Variants in AUTS2 observed in about 807,000 individuals in gnomAD.
AUTS2 encodes activator of transcription and developmental regulator AUTS2, also known as autism susceptibility gene 2 protein.
AUTS2 carries 17 observed loss-of-function variants against 112.4 expected under a neutral mutation model. That is an observed-to-expected ratio of 0.15 (90% CI 0.10 to 0.23). The LOEUF is 0.23. Ranked by LOEUF, AUTS2 falls within the 10% of genes least tolerant of loss-of-function variation. The pLI, the probability that AUTS2 is intolerant of heterozygous loss-of-function variation, is 1.00. For missense variants in AUTS2, 1,510 were observed against 1,701.6 expected (o/e 0.89, Z 1.98); for synonymous variants, 751 against 702.7 (o/e 1.07, Z -1.09).
chr7:70,738,008 G>A (rs566263736), intron 6 of AUTS2, among the ~76,000 whole-genome samples: 1 of 152,098 alleles, frequency 6.6e-6, no homozygotes, highest in South Asian at 2.1e-4. Context: ...TTGTACGGAA[G>A]ACATTCTGAA....
chr7:70,746,128 G>A (rs55888671), intron 6 of AUTS2, among the ~76,000 whole-genome samples: 1 of 151,768 alleles, frequency 6.6e-6, no homozygotes, highest in Admixed American at 6.6e-5. Context: ...AAAATATGAA[G>A]AGCAGTAAGG....
rs1790821792 is a variant in AUTS2 at position 69,817,675 on chromosome 7, G to A, written c.310-81611G>A. The stretch of plus-strand genomic sequence containing the variant: ...GAAATGAGGATTTGGATTATGAGTA[G>A]CAGAAGCGTGGAGAGCTGGGCAGAG... On this transcript the variant is annotated intron_variant, in intron 1 of 18. Transcript: ENST00000342771. 2.0e-5 allele frequency among the ~76,000 whole-genome samples: 3 copies of A among 152,140 alleles called. No individual in the cohort carries two copies. The South Asian group carries it at 6.2e-4, about 32-fold the overall frequency.
At chr7:70,636,983 G>A (rs138143176) in intron 5 of AUTS2, among the ~76,000 whole-genome samples, 72 of 152,256 alleles carry the variant, frequency 4.7e-4, no homozygotes, top group African/African-American at 1.7e-3. Flanking sequence ...CATGTAAGAT[G>A]GCATTGTTAT....
intron 2 of AUTS2, among the ~76,000 whole-genome samples, chr7:70,087,020 G>A (rs1803643786): frequency 6.6e-6 from 1 of 151,632 alleles, no homozygotes; most frequent in South Asian, 2.1e-4. Context: ...TGGAAGTGGT[G>A]AGAGTGTACA....
intron 5 of AUTS2, among the ~76,000 whole-genome samples, chr7:70,480,721 T>C (rs933652771): frequency 2.0e-5 from 3 of 152,154 alleles, no homozygotes; most frequent in African/African-American, 7.2e-5. Context: ...TGGTGGAAAC[T>C]CCAGGAACTT....
At chr7:69,842,300 T>G (rs1727238624) in intron 1 of AUTS2, among the ~76,000 whole-genome samples, 1 of 152,170 alleles carries the variant, frequency 6.6e-6, no homozygotes, top group South Asian at 2.1e-4. Flanking sequence ...ATAAGAAAAT[T>G]AGATTTTATA....
At chr7:70,147,305 G>A (rs1807180509) in intron 4 of AUTS2, among the ~76,000 whole-genome samples, 1 of 151,826 alleles carries the variant, frequency 6.6e-6, no homozygotes, top group Non-Finnish European at 1.5e-5. Flanking sequence ...GACGGAAGTA[G>A]GCAGATGTTA....
At chr7:70,543,735 T>G (rs191123411) in intron 5 of AUTS2, among the ~76,000 whole-genome samples, 3 of 152,274 alleles carry the variant, frequency 2.0e-5, no homozygotes, top group Admixed American at 2.0e-4. Flanking sequence ...GAGGGGTGTT[T>G]ATTGTCTAAA....
chr7:70,136,469 A>G (rs1806568547), intron 4 of AUTS2, among the ~76,000 whole-genome samples: 1 of 152,280 alleles, frequency 6.6e-6, no homozygotes. Flanking sequence ...TTTCTTTCCA[A>G]TAGTATCACA....
At chr7:69,832,405 A>G (rs758536963) in intron 1 of AUTS2, among the ~76,000 whole-genome samples, 12 of 152,132 alleles carry the variant, frequency 7.9e-5, no homozygotes, top group Admixed American at 5.2e-4. Context: ...TGCTCTATAC[A>G]TGACCCATCA....
At chr7:70,769,859 G>A (rs570729863) in intron 10 of AUTS2, among the ~76,000 whole-genome samples, 2 of 152,232 alleles carry the variant, frequency 1.3e-5, no homozygotes, top group African/African-American at 2.4e-5. Context: ...TTACTTAGGC[G>A]CTTCAGGTTT....
intron 5 of AUTS2, among the ~76,000 whole-genome samples, chr7:70,649,807 G>C (rs564846210): frequency 6.6e-6 from 1 of 152,110 alleles, no homozygotes; most frequent in Non-Finnish European, 1.5e-5. Flanking sequence ...GATTATAGGC[G>C]TGAGCCACCG....
chr7:70,165,719 G>A lies in AUTS2; in HGVS notation c.660+31148G>A, dbSNP rs111434750. Reference sequence around the variant, plus strand: ...CGCTGCTCTATAGAAAGAACATTTTGTTCTACACAAAGGAATGATGGACAC... The same window carrying A: ...CGCTGCTCTATAGAAAGAACATTTTATTCTACACAAAGGAATGATGGACAC... On this transcript the variant is annotated intron_variant, in intron 4 of 18. Coordinates refer to ENST00000342771, the MANE Select transcript of AUTS2 (RefSeq NM_015570.4). Among the ~76,000 whole-genome samples, 5 of 152,260 alleles carry A rather than the reference G, an allele frequency of 3.3e-5. 1 individual carries two copies. The highest frequency in any genetic ancestry group is 1.3e-4 in the Admixed American group (2 of 15,290).
rs74455167 is a variant in AUTS2, at chr7:70,241,188, T to C, written c.660+106617T>C. ...ATCCCAAATGATATCATTATCAACATTGGTTCCCTGTGGTACACATTTGTC... is the reference window on the plus strand; with the variant it reads ...ATCCCAAATGATATCATTATCAACACTGGTTCCCTGTGGTACACATTTGTC... On this transcript the variant is annotated intron_variant, in intron 4 of 18. Transcript: ENST00000342771. 3.8e-3 allele frequency among the ~76,000 whole-genome samples: 585 copies of C among 152,326 alleles called. 5 individuals carry two copies. The highest frequency in any genetic ancestry group is 0.013 in the African/African-American group (561 of 41,592).
chr7:70,735,575 T>G (rs187011679), intron 6 of AUTS2, among the ~76,000 whole-genome samples: 309 of 152,298 alleles, frequency 2.0e-3, no homozygotes, highest in South Asian at 0.01. Flanking sequence ...TGCATCACCC[T>G]GTCTTCCTCA....
intron 4 of AUTS2, among the ~76,000 whole-genome samples, chr7:70,365,274 G>C (rs533154429): frequency 6.6e-6 from 1 of 152,222 alleles, no homozygotes; most frequent in East Asian, 1.9e-4. Context: ...TTTCCCGTTA[G>C]GTCATAGCAT....
intron 6 of AUTS2, among the ~76,000 whole-genome samples, chr7:70,758,664 C>T (rs1356711280): frequency 6.6e-6 from 1 of 152,172 alleles, no homozygotes; most frequent in African/African-American, 2.4e-5. Flanking sequence ...AATAAGACTA[C>T]TCAATTTGTA....
chr7:70,729,073 G>GCTGCT, intron 6 of AUTS2: 1 of 441,470 alleles, frequency 2.3e-6, no homozygotes, highest in Non-Finnish European at 4.6e-6. Context: ...GAAAGCTAGA[G>GCTGCT]CTGCTCTGCT....
At chr7:69,706,265 A>G (rs1047552679) in intron 1 of AUTS2, among the ~76,000 whole-genome samples, 9 of 152,232 alleles carry the variant, frequency 5.9e-5, no homozygotes, top group African/African-American at 1.4e-4. Context: ...GATATTGCCT[A>G]TAGATTAGTA....
Sources: allele counts gnomAD v4.1 joint callset (sites outside exome capture counted in the v4.1 genomes callset), GRCh38; gene constraint gnomAD v4.1.1; transcripts MANE v1.5; gene names NCBI Gene and HGNC (gene_info 2026-07-23, HGNC 2026-07-21).